Variants in PPFIA2 observed in about 807,000 individuals in gnomAD.
PPFIA2 encodes liprin-alpha-2.
Under a neutral mutation model 175.5 loss-of-function variants are expected in PPFIA2, and 46 were observed. That is an observed-to-expected ratio of 0.26 (90% CI 0.21 to 0.34). The LOEUF (loss-of-function observed/expected upper bound fraction) is 0.34, where lower values mean the gene tolerates loss of function less well. Ranked by LOEUF, PPFIA2 falls within the 10% of genes least tolerant of loss-of-function variation. PPFIA2 has a pLI of 1.00. For missense variants in PPFIA2, 1,179 were observed against 1,506.1 expected (o/e 0.78, Z 3.60); for synonymous variants, 568 against 511.4 (o/e 1.11, Z -1.49).
intron 8 of PPFIA2, among the ~76,000 whole-genome samples, chr12:81,388,945 C>T (rs2039546297): frequency 6.6e-6 from 1 of 151,538 alleles, no homozygotes; most frequent in South Asian, 2.1e-4. Context: ...CAAGCATCCA[C>T]ACACCATTAT....
At chr12:81,609,038 C>T (rs2060622004) in intron 4 of PPFIA2, among the ~76,000 whole-genome samples, 1 of 151,818 alleles carries the variant, frequency 6.6e-6, no homozygotes, top group Non-Finnish European at 1.5e-5. Flanking sequence ...TTAATGTTCA[C>T]CCAGGGATTA....
chr12:81,456,310 G>C lies in PPFIA2; in HGVS notation c.405+1455C>G, dbSNP rs76281919. 3.1e-3 allele frequency among the ~76,000 whole-genome samples: 468 copies of C among 152,282 alleles called. 5 individuals are homozygous for C. The highest frequency in any genetic ancestry group is 0.027 in the East Asian group (142 of 5,174). On this transcript the variant is annotated intron_variant, in intron 5 of 32. Coordinates refer to ENST00000549396, the MANE Select transcript of PPFIA2 (RefSeq NM_003625.5). Reference sequence around the variant, plus strand: ...TGATAATATGATCTAAACTGCCCTTGTTATGCCCTGTTTGAGGCAATCCAT... The same window carrying C: ...TGATAATATGATCTAAACTGCCCTTCTTATGCCCTGTTTGAGGCAATCCAT...
intron 7 of PPFIA2, among the ~76,000 whole-genome samples, chr12:81,432,486 T>C (rs958743374): frequency 1.4e-5 from 2 of 144,232 alleles, no homozygotes; most frequent in African/African-American, 2.6e-5. Context: ...TTTTTTTCAA[T>C]ACAGAGTCTT....
chr12:81,375,482 A>G (rs1053201666), intron 10 of PPFIA2, among the ~76,000 whole-genome samples: 2 of 152,122 alleles, frequency 1.3e-5, no homozygotes, highest in East Asian at 1.9e-4. Flanking sequence ...TACTACAATA[A>G]CGCCACCTAC....
chr12:81,341,331 T>C, intron 19 of PPFIA2, 123 bp from the exon 20 acceptor site: 1 of 947,696 alleles, frequency 1.1e-6, no homozygotes, highest in African/African-American at 1.7e-5. Flanking sequence ...ACAACAAAAC[T>C]TGGGGCATTT....
At position 81,445,223 on chromosome 12, in the gene PPFIA2, G is replaced by GA. The variant is rs1258911475; in HGVS notation, c.570+332_570+333insT. Among the ~76,000 whole-genome samples the GA allele has an allele frequency of 7.6e-3, 478 of 62,726 alleles. 9 individuals carry two copies. The highest frequency in any genetic ancestry group is 0.036 in the African/African-American group (439 of 12,254). 41.2% of individuals were successfully genotyped at this position (62,726 alleles called of 152,430 possible). A position where few individuals can be genotyped will look rare whatever the true frequency, so the allele number is the denominator to read the frequency against. On this transcript the variant is annotated intron_variant, in intron 6 of 32. Coordinates refer to ENST00000549396, the MANE Select transcript of PPFIA2 (RefSeq NM_003625.5). ...GACCAAGGTGGGGGGGGGGGAGGGG[G>GA]GAGAGAGAGAGAGAGAGAGAGAGGC...
chr12:81,732,824 T>C (rs1195925031), intron 3 of PPFIA2, among the ~76,000 whole-genome samples: 1 of 151,562 alleles, frequency 6.6e-6, no homozygotes, highest in African/African-American at 2.4e-5. Flanking sequence ...AATTGAACTT[T>C]AAGTAATTAT....
chr12:81,649,021 A>G (rs1052628826), intron 4 of PPFIA2, among the ~76,000 whole-genome samples: 1 of 152,090 alleles, frequency 6.6e-6, no homozygotes, highest in South Asian at 2.1e-4. Context: ...CATAGATTCT[A>G]AAAGAAAAAG....
At chr12:81,451,739 G>C (rs901366265) in intron 5 of PPFIA2, among the ~76,000 whole-genome samples, 1 of 152,120 alleles carries the variant, frequency 6.6e-6, no homozygotes, top group African/African-American at 2.4e-5. Flanking sequence ...CTTAATACTT[G>C]TTGAATTGGG....
chr12:81,541,341 C>T (rs1358574535), intron 4 of PPFIA2, among the ~76,000 whole-genome samples: 3 of 151,944 alleles, frequency 2.0e-5, no homozygotes, highest in Non-Finnish European at 4.4e-5. Context: ...CAATTCTGTT[C>T]ATGGGCTCCT....
chr12:81,503,220 A>T (rs1327449576), intron 4 of PPFIA2, among the ~76,000 whole-genome samples: 2 of 151,992 alleles, frequency 1.3e-5, no homozygotes, highest in African/African-American at 4.8e-5. Flanking sequence ...ATTTTTTTAA[A>T]TTTTTTTATT....
chr12:81,334,425 T>C (rs771944493), intron 21 of PPFIA2, among the ~76,000 whole-genome samples: 18 of 152,042 alleles, frequency 1.2e-4, no homozygotes, highest in Non-Finnish European at 2.2e-4. Context: ...TCAATATATG[T>C]CTATTCACTG....
At chr12:81,691,387 C>A (rs962469282) in intron 3 of PPFIA2, among the ~76,000 whole-genome samples, 1 of 152,044 alleles carries the variant, frequency 6.6e-6, no homozygotes, top group Non-Finnish European at 1.5e-5. Flanking sequence ...TATGTTGATT[C>A]GAGAAAAATA....
chr12:81,420,150 C>G (rs926904597), intron 7 of PPFIA2, among the ~76,000 whole-genome samples: 1 of 152,116 alleles, frequency 6.6e-6, no homozygotes, highest in African/African-American at 2.4e-5. Flanking sequence ...CCATACCCAC[C>G]CAGTTGGTGG....
At chr12:81,410,535 T>C (rs1488922497) in intron 7 of PPFIA2, among the ~76,000 whole-genome samples, 1 of 152,142 alleles carries the variant, frequency 6.6e-6, no homozygotes, top group Non-Finnish European at 1.5e-5. Context: ...CATGGAACTC[T>C]GTTCAAGATA....
rs985637086 is a variant in PPFIA2, at chr12:81,358,003, T to C, written c.1773+79A>G. The C allele has an allele frequency of 4.7e-6, 6 of 1,284,970 alleles. No homozygotes were observed. The African/African-American group carries it at 9.2e-5, about 20-fold the overall frequency. 79.6% of individuals were successfully genotyped at this position (1,284,970 alleles called of 1,614,324 possible). A position where few individuals can be genotyped will look rare whatever the true frequency, so the allele number is the denominator to read the frequency against. On this transcript the variant is annotated intron_variant, in intron 16 of 32. Transcript: ENST00000549396. ...TAAAAATGCTAGCATTTTCTAATTA[T>C]CTCAGTGTTAAAATTCTATCAAAAA...
At chr12:81,745,472 C>A (rs564321788) in intron 3 of PPFIA2, among the ~76,000 whole-genome samples, 1 of 152,310 alleles carries the variant, frequency 6.6e-6, no homozygotes, top group East Asian at 1.9e-4. Flanking sequence ...TCTGGAATGG[C>A]AAATGTGGAA....
chr12:81,443,655 G>A (rs1191788285), intron 6 of PPFIA2, among the ~76,000 whole-genome samples: 4 of 151,858 alleles, frequency 2.6e-5, no homozygotes, highest in Non-Finnish European at 5.9e-5. Context: ...ATGCTTATGG[G>A]ACCATCTCAA....
intron 4 of PPFIA2, among the ~76,000 whole-genome samples, chr12:81,490,616 C>G (rs2059325379): frequency 6.6e-6 from 1 of 151,924 alleles, no homozygotes; most frequent in Non-Finnish European, 1.5e-5. Flanking sequence ...TGATGTTAAG[C>G]AGCCTTGACT....
Sources: allele counts gnomAD v4.1 joint callset (sites outside exome capture counted in the v4.1 genomes callset), GRCh38; gene constraint gnomAD v4.1.1; transcripts MANE v1.5; gene names NCBI Gene and HGNC (gene_info 2026-07-23, HGNC 2026-07-21).